RALGAPA2: variants seen among roughly 807,000 people sequenced by gnomAD.
RALGAPA2 encodes the protein ral GTPase-activating protein subunit alpha-2.
A neutral mutation model predicts 230.4 loss-of-function variants in RALGAPA2; 139 were observed. The ratio of observed to expected loss-of-function variants is 0.60; its 90% CI spans 0.53 to 0.69. The LOEUF is 0.69. RALGAPA2 is among the 30% of genes least tolerant of loss of function. The pLI, the probability that RALGAPA2 is intolerant of heterozygous loss-of-function variation, is 0.00. For synonymous variants in RALGAPA2, 847 were observed against 837.8 expected (o/e 1.01, Z -0.19); for missense variants, 2,163 against 2,276.0 (o/e 0.95, Z 1.01).
chr20:20,531,709 T>C lies in RALGAPA2; in HGVS notation c.3560A>G (p.Asn1187Ser), dbSNP rs752196025. 4.0e-5 allele frequency: 65 copies of C among 1,606,310 alleles called. No individual in the cohort carries two copies. The highest frequency in any genetic ancestry group is 3.1e-4 in the East Asian group (14 of 44,790). The change falls in exon 27 of 40, where the codon AAT becomes AGT. Residue 1187 changes from asparagine to serine, a missense_variant. Coordinates refer to ENST00000202677, the MANE Select transcript of RALGAPA2 (RefSeq NM_020343.4). ...TACCTTCAGAGTTACTCCTATCACATTGATGGCCTCTTTCACCTGAGGGTG... is the reference window on the plus strand; with the variant it reads ...TACCTTCAGAGTTACTCCTATCACACTGATGGCCTCTTTCACCTGAGGGTG... The part of the protein sequence containing the change: ...TSHPQVKEAI[N>S]VIGVTLKFPN...
chr20:20,566,973 A>G (rs893282629), intron 23 of RALGAPA2, among the ~76,000 whole-genome samples: 61 of 152,224 alleles, frequency 4.0e-4, no homozygotes, highest in African/African-American at 1.4e-3. Flanking sequence ...AAAATGACAA[A>G]GACCCACATT....
At chr20:20,703,648 C>T (rs6046997) in intron 1 of RALGAPA2, among the ~76,000 whole-genome samples, 12,922 of 152,170 alleles carry the variant, frequency 0.085, 800 homozygotes, top group East Asian at 0.16. Context: ...GGTACATGAA[C>T]ATGAGATATC....
At chr20:20,476,288 A>G (rs1037051865) in intron 36 of RALGAPA2, among the ~76,000 whole-genome samples, 40 of 152,188 alleles carry the variant, frequency 2.6e-4, no homozygotes, top group Non-Finnish European at 1.0e-4. Flanking sequence ...AAGAAGACTT[A>G]TATTACCTAA....
intron 38 of RALGAPA2, among the ~76,000 whole-genome samples, chr20:20,397,442 C>A (rs1340091004): frequency 1.3e-5 from 2 of 152,292 alleles, no homozygotes; most frequent in South Asian, 4.2e-4. Context: ...GTTCTTCCAC[C>A]CCTTCCACGC....
At chr20:20,694,344 C>G (rs1374581265) in intron 1 of RALGAPA2, among the ~76,000 whole-genome samples, 3 of 152,158 alleles carry the variant, frequency 2.0e-5, no homozygotes, top group Non-Finnish European at 4.4e-5. Flanking sequence ...GAATGACCTT[C>G]CTCCTAGACA....
intron 37 of RALGAPA2, among the ~76,000 whole-genome samples, chr20:20,458,863 TATATATATATATACAC>T (rs2061231052): frequency 7.0e-6 from 1 of 142,134 alleles, no homozygotes; most frequent in African/African-American, 2.6e-5. Flanking sequence ...GACCTATATA[TATATATATATATACAC>T]ACACACAAAT....
At chr20:20,600,669 G>C (rs936621824) in intron 16 of RALGAPA2, among the ~76,000 whole-genome samples, 2 of 152,340 alleles carry the variant, frequency 1.3e-5, no homozygotes, top group East Asian at 1.9e-4. Flanking sequence ...ACTTTCTGAA[G>C]TCAACATGTT....
intron 1 of RALGAPA2, among the ~76,000 whole-genome samples, chr20:20,692,167 T>C (rs921721999): frequency 2.0e-5 from 3 of 152,182 alleles, no homozygotes; most frequent in African/African-American, 7.2e-5. Context: ...TATTCCTTTA[T>C]AGGAACACAA....
rs1485042991 is a variant in RALGAPA2 at position 20,597,216 on chromosome 20, G to A, written c.2203+4466C>T. 2.6e-5 allele frequency among the ~76,000 whole-genome samples: 4 copies of A among 152,240 alleles called. No homozygotes were observed. The East Asian group carries it at 7.7e-4, about 29-fold the overall frequency. On this transcript the variant is annotated intron_variant, in intron 16 of 39. Transcript: ENST00000202677. ...ACCATGAAAAAAATTCTTTTGGGGTGTGTATTAGCCAAACAGGGGGTAAAA... is the reference window on the plus strand; with the variant it reads ...ACCATGAAAAAAATTCTTTTGGGGTATGTATTAGCCAAACAGGGGGTAAAA...
In RALGAPA2 at chr20:20,513,124, C is replaced by T. The variant is rs1268159775; in HGVS notation, c.4245G>A (p.Glu1415=). 1.2e-5 allele frequency: 19 copies of T among 1,572,776 alleles called. No individual in the cohort carries two copies. Among genetic ancestry groups the T allele is most frequent in the Non-Finnish European group, 1.5e-5 (18 of 1,162,714 alleles). ...NHDNAHVEGS[E]LSFEVFRSPN... ...GACTTCTGAACACCTCAAAGGACAG[C>T]TCGGAGCCTTCCACATGGGCATTGT... The change falls in exon 32 of 40, where the codon GAG becomes GAA. Residue 1415 remains glutamate, a synonymous_variant. Coordinates refer to ENST00000202677, the MANE Select transcript of RALGAPA2 (RefSeq NM_020343.4).
intron 37 of RALGAPA2, among the ~76,000 whole-genome samples, chr20:20,450,788 C>T (rs576996924): frequency 6.6e-6 from 1 of 152,342 alleles, no homozygotes; most frequent in Admixed American, 6.5e-5. Context: ...TCCAAACTGC[C>T]TTTTGGAGCT....
At chr20:20,495,300 T>A in intron 35 of RALGAPA2, 25 bp from the exon 36 acceptor site, 7 of 1,499,102 alleles carry the variant, frequency 4.7e-6, no homozygotes, top group Non-Finnish European at 6.3e-6. Context: ...TGACTGTTTA[T>A]TAATCAGGGT....
At chr20:20,589,435 T>C in intron 17 of RALGAPA2, 70 bp from the exon 18 acceptor site, 3 of 1,420,326 alleles carry the variant, frequency 2.1e-6, no homozygotes, top group Non-Finnish European at 2.9e-6. Flanking sequence ...CGGAAAATGA[T>C]TTTATATATA....
chr20:20,668,558 T>C (rs900943145), intron 3 of RALGAPA2, among the ~76,000 whole-genome samples: 13 of 152,226 alleles, frequency 8.5e-5, no homozygotes, highest in African/African-American at 2.4e-4. Context: ...AAACATGGAG[T>C]TAGAGTTTTT....
At chr20:20,568,311 GA>G (rs1568588922) in intron 23 of RALGAPA2, among the ~76,000 whole-genome samples, 1 of 152,126 alleles carries the variant, frequency 6.6e-6, no homozygotes, top group African/African-American at 2.4e-5. Flanking sequence ...TGTACCGGGG[GA>G]AATACTACTT....
intron 20 of RALGAPA2, among the ~76,000 whole-genome samples, chr20:20,579,330 C>T (rs1483581828): frequency 1.3e-5 from 2 of 152,162 alleles, no homozygotes; most frequent in African/African-American, 2.4e-5. Flanking sequence ...GCAATATTCT[C>T]GGAAGCAAGA....
intron 14 of RALGAPA2, among the ~76,000 whole-genome samples, chr20:20,610,420 C>T (rs2065943935): frequency 6.6e-6 from 1 of 152,184 alleles, no homozygotes; most frequent in African/African-American, 2.4e-5. Context: ...TTGGTCTTCA[C>T]CTGCTCACCA....
intron 14 of RALGAPA2, among the ~76,000 whole-genome samples, chr20:20,608,272 G>GT (rs1465328396): frequency 6.6e-6 from 1 of 152,106 alleles, no homozygotes. Context: ...AGGGGACTGC[G>GT]TAACTTTAAA....
chr20:20,653,854 T>C (rs1388838233), intron 3 of RALGAPA2, among the ~76,000 whole-genome samples: 3 of 152,140 alleles, frequency 2.0e-5, no homozygotes, highest in Admixed American at 6.5e-5. Flanking sequence ...TAAAATGTTA[T>C]TTTTATCTTA....
Sources: gnomAD v4.1 joint callset for allele counts (sites outside exome capture counted in the v4.1 genomes callset) on GRCh38, gnomAD v4.1.1 for gene constraint, MANE v1.5 for transcripts, NCBI Gene and HGNC (gene_info 2026-07-23, HGNC 2026-07-21) for gene names.